Variants in F13B observed in about 807,000 individuals in gnomAD.
F13B encodes the protein coagulation factor XIII B chain, also known as TGase.
F13B carries 58 observed loss-of-function variants against 79.8 expected under a neutral mutation model. The observed-to-expected ratio is 0.73, with a 90% CI of 0.59 to 0.90. The LOEUF is 0.90. Ranked by LOEUF, F13B falls within the 40% of genes least tolerant of loss-of-function variation. The probability of loss-of-function intolerance (pLI) is 0.00; values close to 1 mark genes in which losing one functional copy is unlikely to be tolerated. For missense variants in F13B, 773 were observed against 777.0 expected, an observed-to-expected ratio of 0.99 and a Z score of 0.06; for synonymous variants, 283 against 260.3, an observed-to-expected ratio of 1.09 and a Z score of -0.84.
intron 1 of F13B, among the ~76,000 whole-genome samples, chr1:197,065,444 T>TA (rs1265798003): frequency 9.2e-5 from 14 of 152,146 alleles, no homozygotes; most frequent in African/African-American, 2.9e-4. Context: ...TGGACACACT[T>TA]ACTACTGATC....
In F13B at chr1:197,055,712, T is replaced by C; in HGVS notation, c.1354+3A>G. 1 of 1,613,408 alleles carries C rather than the reference T, an allele frequency of 6.2e-7. No homozygotes were observed. The highest frequency in any genetic ancestry group is 2.2e-5 in the East Asian group (1 of 44,836). ...TAGACATTCCATGTGTTCTCTTTCT[T>C]ACCCAAGCAAACAGGTGGGGATGAC... is the stretch of plus-strand genomic sequence containing the variant. On this transcript the variant is annotated splice_donor_region_variant and intron_variant, in intron 8 of 11. Transcript: ENST00000367412.
At chr1:197,059,750 T>G (rs557689924) in intron 5 of F13B, among the ~76,000 whole-genome samples, 10 of 152,320 alleles carry the variant, frequency 6.6e-5, no homozygotes, top group African/African-American at 2.2e-4. Context: ...TTTTCATATC[T>G]TCTGCTAGTA....
At chr1:197,054,924 T>G (rs1031247188) in intron 8 of F13B, among the ~76,000 whole-genome samples, 1 of 152,068 alleles carries the variant, frequency 6.6e-6, no homozygotes, top group African/African-American at 2.4e-5. Context: ...ATGTTTAACA[T>G]GTACAAAGAT....
chr1:197,058,728 G>A (rs983089279), intron 5 of F13B, among the ~76,000 whole-genome samples: 9 of 152,126 alleles, frequency 5.9e-5, no homozygotes, highest in Admixed American at 6.5e-5. Flanking sequence ...GTCTTGTACC[G>A]TGTAAGGTAA....
intron 10 of F13B, among the ~76,000 whole-genome samples, chr1:197,042,406 C>G (rs1314793652): frequency 6.6e-6 from 1 of 152,080 alleles, no homozygotes; most frequent in East Asian, 1.9e-4. Context: ...ATCAAACCAG[C>G]ACTTCTATTA....
rs748757906 is a variant in F13B at position 197,057,028 on chromosome 1, G to GAAGT, written c.1152_1155dup (p.Pro386ThrfsTer4). 2.4e-5 allele frequency: 38 copies of GAAGT among 1,613,548 alleles called. 1 individual carries two copies. In the South Asian group the frequency reaches 3.6e-4, roughly 15 times the overall value. ...GCATACATACCAACACACTCAGGAG[G>GAAGT]AAGTGTCCATTTTCCACGATTACAA... On this transcript the variant is annotated frameshift_variant, in exon 7 of 12. Transcript: ENST00000367412. LOFTEE classifies it high-confidence loss of function.
intron 9 of F13B, 21 bp downstream of exon 9, chr1:197,052,613 C>G (rs753284765): frequency 6.4e-7 from 1 of 1,563,718 alleles, no homozygotes; most frequent in African/African-American, 1.4e-5. Flanking sequence ...AAGATACTTG[C>G]AGAGAACATT....
intron 11 of F13B, 92 bp from the exon 12 acceptor site, chr1:197,039,503 G>T: frequency 2.1e-6 from 2 of 968,746 alleles, no homozygotes; most frequent in Non-Finnish European, 3.3e-6. Flanking sequence ...CATATAATGA[G>T]TCATTGTTTT....
chr1:197,055,648 T>C, intron 8 of F13B, 67 bp downstream of exon 8: 1 of 1,491,644 alleles, frequency 6.7e-7, no homozygotes, highest in Non-Finnish European at 9.3e-7. Context: ...ATTTTCATGA[T>C]ATAAAACACT....
intron 9 of F13B, among the ~76,000 whole-genome samples, chr1:197,052,144 T>C (rs907658182): frequency 6.6e-6 from 1 of 152,332 alleles, no homozygotes; most frequent in South Asian, 2.1e-4. Flanking sequence ...TTCTAGAGTT[T>C]TTATGGTTTG....
At chr1:197,048,802 A>T (rs1655334627) in intron 10 of F13B, among the ~76,000 whole-genome samples, 1 of 140,962 alleles carries the variant, frequency 7.1e-6, no homozygotes, top group Non-Finnish European at 1.6e-5. Context: ...AAAACAGTGA[A>T]CCCAACAATG....
In F13B at chr1:197,060,472, T is replaced by C. The variant is rs1250421204; in HGVS notation, c.699A>G (p.Glu233=). 1.9e-6 allele frequency: 3 copies of C among 1,609,124 alleles called. No homozygotes were observed. In the South Asian group the frequency reaches 3.3e-5, roughly 18 times the overall value. The part of the protein sequence containing the change: ...YFHPVKQTYE[E]GDVVQFFCHE... Reference sequence around the variant, plus strand: ...GACAGAAAAACTGAACGACATCTCCTTCTTCATAGGTTTGCTTTACAGGAT... The same window carrying C: ...GACAGAAAAACTGAACGACATCTCCCTCTTCATAGGTTTGCTTTACAGGAT... The change falls in exon 5 of 12, where the codon GAA becomes GAG. Residue 233 remains glutamate (E), a synonymous_variant. Coordinates refer to ENST00000367412, the MANE Select transcript of F13B (RefSeq NM_001994.3).
At chr1:197,051,710 A>G (rs1655447401) in intron 9 of F13B, among the ~76,000 whole-genome samples, 2 of 152,144 alleles carry the variant, frequency 1.3e-5, no homozygotes, top group Non-Finnish European at 2.9e-5. Flanking sequence ...TCTCAACTTT[A>G]TAGATTAGAA....
At chr1:197,043,912 T>C (rs1349963296) in intron 10 of F13B, among the ~76,000 whole-genome samples, 1 of 152,036 alleles carries the variant, frequency 6.6e-6, no homozygotes, top group African/African-American at 2.4e-5. Context: ...GGATATCAAG[T>C]ACATCAAGGT....
At chr1:197,043,912 T>A (rs1349963296) in intron 10 of F13B, among the ~76,000 whole-genome samples, 2 of 152,036 alleles carry the variant, frequency 1.3e-5, no homozygotes, top group Non-Finnish European at 2.9e-5. Flanking sequence ...GGATATCAAG[T>A]ACATCAAGGT....
chr1:197,039,613 T>C (rs1654964320), intron 11 of F13B, among the ~76,000 whole-genome samples: 1 of 152,128 alleles, frequency 6.6e-6, no homozygotes, highest in Admixed American at 6.6e-5. Context: ...TCATGATTTT[T>C]TAAATATTTT....
chr1:197,060,212 G>T (rs940164253), intron 5 of F13B, among the ~76,000 whole-genome samples, 154 bp downstream of exon 5: 1 of 151,810 alleles, frequency 6.6e-6, no homozygotes, highest in Non-Finnish European at 1.5e-5. Context: ...ATTAAAGATT[G>T]CTGAAAATAG....
chr1:197,056,167 T>C (rs1032384462), intron 7 of F13B, among the ~76,000 whole-genome samples: 4 of 152,178 alleles, frequency 2.6e-5, no homozygotes, highest in African/African-American at 7.2e-5. Context: ...CTTAAACCTA[T>C]AGAATGAGAA....
At chr1:197,061,671 A>T in intron 3 of F13B, 113 bp downstream of exon 3, 1 of 887,940 alleles carries the variant, frequency 1.1e-6, no homozygotes, top group Non-Finnish European at 1.7e-6. Flanking sequence ...CCTGCATTGT[A>T]GACATAATGA....
Sources: gnomAD v4.1 joint callset for allele counts (sites outside exome capture counted in the v4.1 genomes callset) on GRCh38, gnomAD v4.1.1 for gene constraint, MANE v1.5 for transcripts, NCBI Gene and HGNC (gene_info 2026-07-23, HGNC 2026-07-21) for gene names.